The following MYO7B variants were observed in gnomAD, a reference collection of about 807,000 sequenced individuals.
MYO7B encodes the protein unconventional myosin-VIIb.
Under a neutral mutation model 259.7 loss-of-function variants are expected in MYO7B, and 212 were observed. The ratio of observed to expected loss-of-function variants is 0.82; its 90% confidence interval spans 0.73 to 0.91. The LOEUF is 0.91. Ranked by LOEUF, MYO7B falls within the 40% of genes least tolerant of loss-of-function variation. MYO7B has a pLI of 0.00. For missense variants in MYO7B, 2,732 were observed against 2,813.5 expected (o/e 0.97, Z 0.66); for synonymous variants, 1,197 against 1,166.4 (o/e 1.03, Z -0.54).
At chr2:127,579,253 T>C (rs1679005469) in intron 9 of MYO7B, among the ~76,000 whole-genome samples, 1 of 152,118 alleles carries the variant, frequency 6.6e-6, no homozygotes, top group South Asian at 2.1e-4. Context: ...TTTGAAGAGA[T>C]AGGGCTGGTT....
intron 1 of MYO7B, among the ~76,000 whole-genome samples, chr2:127,556,716 C>G (rs1693649442): frequency 6.6e-6 from 1 of 152,142 alleles, no homozygotes; most frequent in Admixed American, 6.6e-5. Flanking sequence ...AAGATAGGGT[C>G]CCAATCCCTT....
intron 1 of MYO7B, among the ~76,000 whole-genome samples, chr2:127,540,824 A>G (rs565088084): frequency 6.6e-5 from 10 of 152,340 alleles, no homozygotes; most frequent in Admixed American, 1.3e-4. Flanking sequence ...GCACTGATAC[A>G]GTGAACAGGG....
At chr2:127,633,523 C>T (rs963684245) in intron 40 of MYO7B, among the ~76,000 whole-genome samples, 160 bp downstream of exon 40, 2 of 152,200 alleles carry the variant, frequency 1.3e-5, no homozygotes, top group Non-Finnish European at 2.9e-5. Flanking sequence ...GGGATGCAGG[C>T]CCCACCTGCC....
intron 6 of MYO7B, among the ~76,000 whole-genome samples, chr2:127,571,458 T>TTTTTTTTTTTTTTTTTTTTTC (rs1678617994): frequency 7.1e-6 from 1 of 140,122 alleles, no homozygotes; most frequent in Non-Finnish European, 1.5e-5. Context: ...TTTTTTTTTT[T>TTTTTTTTTTTTTTTTTTTTTC]TGCTTGTTTG....
chr2:127,606,665 T>TCTTAAGCC (rs1476178209), intron 20 of MYO7B, among the ~76,000 whole-genome samples: 1 of 152,182 alleles, frequency 6.6e-6, no homozygotes, highest in African/African-American at 2.4e-5. Context: ...ACTTCCAAGC[T>TCTTAAGCC]CTTAAGCCAA....
chr2:127,578,192 G>C lies in MYO7B; in HGVS notation c.909G>C (p.Ser303=). 3.1e-6 allele frequency: 5 copies of C among 1,613,788 alleles called. No individual in the cohort carries two copies. Among genetic ancestry groups the C allele is most frequent in the Non-Finnish European group, 4.2e-6 (5 of 1,179,860 alleles). ...NDAKDYAHIR[S]AMKILQFSDS... ...CCAAGGACTACGCCCACATCCGCTC[G>C]GCCATGAAGATCCTCCAGTTCTCCG... Residue 303 remains serine, a synonymous_variant, in exon 9 of 48, where the codon TCG becomes TCC. Coordinates refer to ENST00000409816, the MANE Select transcript of MYO7B (RefSeq NM_001393586.1).
intron 9 of MYO7B, among the ~76,000 whole-genome samples, chr2:127,579,415 T>C (rs1165624671): frequency 6.6e-6 from 1 of 152,186 alleles, no homozygotes; most frequent in Non-Finnish European, 1.5e-5. Flanking sequence ...AAGCTGCAGC[T>C]GGGCTGATCT....
rs1227344212 is a variant in MYO7B at position 127,634,940 on chromosome 2, A to G, written c.5714-180A>G. The stretch of plus-strand genomic sequence containing the variant: ...ATGGGCTGGGAGTGCGAGTCCAGGA[A>G]TGTTCCTGGAGAAGGCAGCCTCTAC... On this transcript the variant is annotated intron_variant, in intron 42 of 47. Transcript: ENST00000409816. The G allele has an allele frequency of 1.2e-5, 8 of 647,614 alleles. No homozygotes were observed. The Admixed American group carries it at 1.9e-4, about 16-fold the overall frequency. 40.1% of individuals were successfully genotyped at this position (647,614 alleles called of 1,614,324 possible). A position where few individuals can be genotyped will look rare whatever the true frequency, so the allele number is the denominator to read the frequency against.
intron 1 of MYO7B, among the ~76,000 whole-genome samples, chr2:127,551,533 G>A (rs1558794259): frequency 6.6e-6 from 1 of 152,212 alleles, no homozygotes; most frequent in Non-Finnish European, 1.5e-5. Context: ...TTTGGCAAAA[G>A]CAAATCACTA....
intron 6 of MYO7B, among the ~76,000 whole-genome samples, chr2:127,572,358 GC>G (rs1420634697): frequency 6.7e-6 from 1 of 150,328 alleles, no homozygotes; most frequent in Admixed American, 6.6e-5. Context: ...GGCAAAGTTT[GC>G]AGAGAGCCGA....
At chr2:127,633,658 C>T (rs1681639415) in intron 40 of MYO7B, among the ~76,000 whole-genome samples, 1 of 152,196 alleles carries the variant, frequency 6.6e-6, no homozygotes, top group Admixed American at 6.5e-5. Flanking sequence ...CCCCTAGGGG[C>T]TTCTGACCAT....
chr2:127,627,606 T>C lies in MYO7B; in HGVS notation c.4460+296T>C. ...AAGCGTGCAGCCTCTGGCGGGCACT[T>C]ATTTAGAAGGCTCCTTTCTTTGTCA... On this transcript the variant is annotated intron_variant, in intron 33 of 47. Transcript: ENST00000409816. The surrounding 1 kb of genome is among the most constrained non-coding windows in gnomAD (Gnocchi z 5.6). The C allele has an allele frequency of 1.9e-6, 1 of 525,328 alleles. No individual in the cohort carries two copies. The highest frequency in any genetic ancestry group is 3.7e-6 in the Non-Finnish European group (1 of 272,782). 32.5% of individuals were successfully genotyped at this position (525,328 alleles called of 1,614,324 possible). A position where few individuals can be genotyped will look rare whatever the true frequency, so the allele number is the denominator to read the frequency against.
intron 26 of MYO7B, chr2:127,620,112 C>A: frequency 2.6e-6 from 1 of 383,496 alleles, no homozygotes; most frequent in East Asian, 4.1e-5. Context: ...AGCCGAGCCC[C>A]ACCCTAAAGG....
chr2:127,561,372 C>A (rs1385880865), intron 2 of MYO7B, among the ~76,000 whole-genome samples: 11 of 151,982 alleles, frequency 7.2e-5, no homozygotes, highest in Admixed American at 7.2e-4. Context: ...AATCCTCCCA[C>A]CTCAGCCTCC....
intron 21 of MYO7B, among the ~76,000 whole-genome samples, chr2:127,608,019 G>A (rs1011986976): frequency 6.6e-6 from 1 of 152,158 alleles, no homozygotes; most frequent in African/African-American, 2.4e-5. Flanking sequence ...TGAGTGTCTG[G>A]GGGGCTGGGA....
chr2:127,588,454 A>G lies in MYO7B; in HGVS notation c.1753A>G (p.Lys585Glu). 2 of 1,613,258 alleles carry G rather than the reference A, an allele frequency of 1.2e-6. No homozygotes were observed. Among genetic ancestry groups the G allele is most frequent in the East Asian group, 2.2e-5 (1 of 44,888 alleles). The change falls in exon 15 of 48, where the codon AAA becomes GAA. Residue 585 changes from lysine (K) to glutamate (E), a missense_variant. By Grantham distance (56) the Lys-to-Glu change is moderately conservative. Transcript: ENST00000409816. ...TDILTLVYSS[K>E]NKFLREIFNL... The stretch of plus-strand genomic sequence containing the variant: ...TATCCTCACCCTGGTTTACTCCTCC[A>G]AAAACAAGTTTCTGAGGGAGATATT...
At chr2:127,625,587 T>TG (rs1031975810) in intron 31 of MYO7B, 52 bp downstream of exon 31, 147 of 1,506,066 alleles carry the variant, frequency 9.8e-5, no homozygotes, top group South Asian at 2.0e-4. Context: ...CTTTGGGAGG[T>TG]GGGGGGGCTC....
Position 127,637,531 on chromosome 2 carries a change from C to T in MYO7B, c.*114C>T, listed in dbSNP as rs1021286441. Reference sequence around the variant, plus strand: ...CTTGGCGGGCAGCCTTCCATGCTGCCCCCCATACAAAGCCCACTCAGCCCC... The same window carrying T: ...CTTGGCGGGCAGCCTTCCATGCTGCTCCCCATACAAAGCCCACTCAGCCCC... On this transcript the variant is annotated 3_prime_UTR_variant, in exon 48 of 48. Coordinates refer to ENST00000409816, the MANE Select transcript of MYO7B (RefSeq NM_001393586.1). 6 of 797,604 alleles carry T rather than the reference C, an allele frequency of 7.5e-6. No individual in the cohort carries two copies. The highest frequency in any genetic ancestry group is 1.1e-5 in the Non-Finnish European group (6 of 523,098). 49.4% of individuals were successfully genotyped at this position (797,604 alleles called of 1,614,324 possible).
At position 127,628,655 on chromosome 2, in the gene MYO7B, G is replaced by A; in HGVS notation, c.4624+120G>A. 1 of 1,132,904 alleles carries A rather than the reference G, an allele frequency of 8.8e-7. No homozygotes were observed. The highest frequency in any genetic ancestry group is 1.2e-6 in the Non-Finnish European group (1 of 805,220). The allele number at this position is 1,132,904 out of a possible 1,614,324, so 70.2% of individuals were successfully genotyped here. ...CAGCCACAAGGCAAGCAGAGGGAGG[G>A]AAGGCCCCAAAGCTCTGTGGGGGCA... On this transcript the variant is annotated intron_variant, in intron 34 of 47. Coordinates refer to ENST00000409816, the MANE Select transcript of MYO7B (RefSeq NM_001393586.1). The surrounding 1 kb of genome is among the most constrained non-coding windows in gnomAD (Gnocchi z 4.8).
Sources: gnomAD v4.1 joint callset for allele counts (sites outside exome capture counted in the v4.1 genomes callset) on GRCh38, gnomAD v4.1.1 for gene constraint, Gnocchi (gnomAD v3.1) non-coding constraint, MANE v1.5 for transcripts, NCBI Gene and HGNC (gene_info 2026-07-23, HGNC 2026-07-21) for gene names.